The following PCDHA4 variants were observed in gnomAD, a reference collection of about 807,000 sequenced individuals.
PCDHA4 encodes the protein protocadherin alpha-4.
In PCDHA4, 49 loss-of-function variants were observed where a neutral mutation model predicts 61.4. The observed-to-expected ratio is 0.80, with a 90% CI of 0.63 to 1.01. The LOEUF is 1.01. Ranked by LOEUF, PCDHA4 falls within the 50% of genes least tolerant of loss-of-function variation. PCDHA4 has a pLI of 0.00. For synonymous variants in PCDHA4, 590 were observed against 550.3 expected (o/e 1.07, Z -1.01); for missense variants, 1,254 against 1,235.8 (o/e 1.01, Z -0.22).
intron 1 of PCDHA4, among the ~76,000 whole-genome samples, chr5:140,880,921 T>C (rs187033233): frequency 6.6e-6 from 1 of 152,272 alleles, no homozygotes; most frequent in East Asian, 1.9e-4. Context: ...AGAAATACTA[T>C]GTTAGTAAAA....
At chr5:140,821,308 A>G (rs2150109237) in intron 1 of PCDHA4, among the ~76,000 whole-genome samples, 37 of 152,184 alleles carry the variant, frequency 2.4e-4, no homozygotes, top group African/African-American at 8.4e-4. Context: ...TATAAAATAC[A>G]CCAGCACAAA....
chr5:140,874,152 T>C (rs1416330070), intron 1 of PCDHA4, among the ~76,000 whole-genome samples: 1 of 152,228 alleles, frequency 6.6e-6, no homozygotes, highest in African/African-American at 2.4e-5. Context: ...TGTAGAGCCA[T>C]TCTTGGTTAC....
chr5:140,870,420 G>A (rs371557347), intron 1 of PCDHA4: 9 of 1,614,234 alleles, frequency 5.6e-6, no homozygotes, highest in Admixed American at 1.7e-5. Context: ...CCACGGCCAG[G>A]GTATCCGTGG....
At chr5:140,888,695 A>G (rs1161003821) in intron 1 of PCDHA4, among the ~76,000 whole-genome samples, 3 of 152,094 alleles carry the variant, frequency 2.0e-5, no homozygotes, top group African/African-American at 7.2e-5. Flanking sequence ...CTCTTCTCTG[A>G]TTGGTAGGAA....
chr5:141,006,765 G>T (rs1299930915), intron 3 of PCDHA4, among the ~76,000 whole-genome samples: 3 of 152,174 alleles, frequency 2.0e-5, no homozygotes, highest in Non-Finnish European at 4.4e-5. Context: ...ATGAAGAATA[G>T]AATAGAGAAA....
chr5:140,850,871 C>T (rs2041861877), intron 1 of PCDHA4: 1 of 1,591,984 alleles, frequency 6.3e-7, no homozygotes, highest in Admixed American at 1.7e-5. Flanking sequence ...CCTCTGCTTC[C>T]TCAGATTCAA....
intron 1 of PCDHA4, chr5:140,875,653 C>G (rs1554167829): frequency 1.2e-6 from 2 of 1,613,682 alleles, no homozygotes; most frequent in Non-Finnish European, 8.5e-7. Context: ...GGAGCTGGTG[C>G]CGCGCCTGTT....
chr5:140,827,986 AATG>A, intron 1 of PCDHA4: 1 of 1,456,760 alleles, frequency 6.9e-7, no homozygotes, highest in Non-Finnish European at 9.2e-7. Context: ...CTGACTGTTG[AATG>A]ATGGCGGACG....
intron 1 of PCDHA4, among the ~76,000 whole-genome samples, chr5:140,879,750 A>G (rs1554170976): frequency 1.3e-5 from 2 of 152,216 alleles, no homozygotes; most frequent in Non-Finnish European, 2.9e-5. Context: ...TGTCAAGGCT[A>G]TACTCTCTTT....
chr5:140,998,646 C>G (rs1413467899), intron 3 of PCDHA4, among the ~76,000 whole-genome samples: 1 of 151,870 alleles, frequency 6.6e-6, no homozygotes, highest in Non-Finnish European at 1.5e-5. Flanking sequence ...CTCACTGCAA[C>G]CTCTGCCTCC....
At position 140,807,475 on chromosome 5, in the gene PCDHA4, C is replaced by A. The variant is rs1554124044; in HGVS notation, c.288C>A (p.Cys96Ter). ...CTCGGATCGACCGGGAGGAGCTGTG[C>A]CGGCGGAGCGCGGAGTGCAGCATCC... The part of the protein sequence containing the change: ...VNSRIDREEL[C>*]RRSAECSIHL... Residue 96 changes from cysteine (C) to a stop codon, truncating the protein, a stop_gained, in exon 1 of 4, where the codon TGC becomes TGA. Transcript: ENST00000530339. LOFTEE classifies it high-confidence loss of function. The A allele has an allele frequency of 2.5e-6, 4 of 1,612,816 alleles. No individual in the cohort carries two copies. The highest frequency in any genetic ancestry group is 3.4e-6 in the Non-Finnish European group (4 of 1,179,710).
intron 1 of PCDHA4, among the ~76,000 whole-genome samples, chr5:140,846,560 G>A (rs1327875705): frequency 6.8e-6 from 1 of 148,012 alleles, no homozygotes; most frequent in Non-Finnish European, 1.5e-5. Context: ...ATTTTTAGTA[G>A]AGTCGGGGTT....
chr5:140,824,159 C>T (rs1554129770), intron 1 of PCDHA4: 3 of 1,611,382 alleles, frequency 1.9e-6, no homozygotes, highest in Middle Eastern at 1.7e-4. Context: ...TCCATCTTTC[C>T]CTCCCAATTT....
chr5:140,893,205 T>A (rs192969362), intron 1 of PCDHA4, among the ~76,000 whole-genome samples: 1 of 152,338 alleles, frequency 6.6e-6, no homozygotes, highest in East Asian at 1.9e-4. Context: ...CTGCAGTAAG[T>A]ATGGGAGGTG....
chr5:140,989,775 C>G (rs1286076429), intron 3 of PCDHA4, among the ~76,000 whole-genome samples: 1 of 152,178 alleles, frequency 6.6e-6, no homozygotes, highest in Non-Finnish European at 1.5e-5. Flanking sequence ...CAAGCACTGG[C>G]TAGAGACTAG....
chr5:141,004,608 T>A (rs2153981502), intron 3 of PCDHA4, among the ~76,000 whole-genome samples: 1 of 152,348 alleles, frequency 6.6e-6, no homozygotes, highest in African/African-American at 2.4e-5. Flanking sequence ...TTAGGCCTCA[T>A]GCAGAGTCCT....
At chr5:140,931,044 CT>C (rs781930381) in intron 1 of PCDHA4, among the ~76,000 whole-genome samples, 67 of 152,264 alleles carry the variant, frequency 4.4e-4, no homozygotes, top group South Asian at 2.7e-3. Flanking sequence ...GCAAGAAAAA[CT>C]TCAATGCTGT....
At chr5:140,902,038 A>G (rs900077287) in intron 1 of PCDHA4, among the ~76,000 whole-genome samples, 13 of 152,040 alleles carry the variant, frequency 8.6e-5, no homozygotes, top group African/African-American at 2.9e-4. Context: ...TAATTTTTGT[A>G]TGTTGATTTT....
chr5:140,987,797 T>A (rs967250070), intron 3 of PCDHA4, among the ~76,000 whole-genome samples: 23 of 152,308 alleles, frequency 1.5e-4, no homozygotes, highest in African/African-American at 4.3e-4. Flanking sequence ...AAGATTTTTT[T>A]AAAGTGCCTG....
Sources: allele counts gnomAD v4.1 joint callset (sites outside exome capture counted in the v4.1 genomes callset), GRCh38; gene constraint gnomAD v4.1.1; transcripts MANE v1.5; gene names NCBI Gene and HGNC (gene_info 2026-07-23, HGNC 2026-07-21).